The following FREM3 variants were observed in gnomAD, a reference collection of about 807,000 sequenced individuals.
The protein encoded by FREM3 is FRAS1 related extracellular matrix 3.
A neutral mutation model predicts 129.1 loss-of-function variants in FREM3; 105 were observed. The observed-to-expected ratio is 0.81, with a 90% CI of 0.69 to 0.96. FREM3 has a LOEUF of 0.96. Ranked by LOEUF, FREM3 falls within the 40% of genes least tolerant of loss-of-function variation. The probability of loss-of-function intolerance (pLI) is 0.00; values close to 1 mark genes in which losing one functional copy is unlikely to be tolerated. For missense variants in FREM3, 2,593 were observed against 2,666.3 expected (o/e 0.97, Z 0.61); for synonymous variants, 1,014 against 1,044.9 (o/e 0.97, Z 0.57).
intron 6 of FREM3, among the ~76,000 whole-genome samples, chr4:143,601,383 A>G (rs1241913082): frequency 6.6e-6 from 1 of 152,202 alleles, no homozygotes; most frequent in African/African-American, 2.4e-5. Context: ...GGGAAATTTT[A>G]CGCAAGTTTT....
intron 6 of FREM3, among the ~76,000 whole-genome samples, chr4:143,601,110 G>A (rs1738565060): frequency 6.6e-6 from 1 of 151,990 alleles, no homozygotes; most frequent in South Asian, 2.1e-4. Flanking sequence ...GCCCTAGAAA[G>A]CATAATGATA....
intron 6 of FREM3, among the ~76,000 whole-genome samples, chr4:143,590,328 G>T (rs1362356654): frequency 6.6e-6 from 1 of 152,164 alleles, no homozygotes; most frequent in Non-Finnish European, 1.5e-5. Context: ...TTTTCAAAGG[G>T]AATGTTTCCA....
chr4:143,641,262 G>C (rs561128292), intron 2 of FREM3, among the ~76,000 whole-genome samples: 1 of 152,188 alleles, frequency 6.6e-6, no homozygotes, highest in African/African-American at 2.4e-5. Context: ...ACAACAATTT[G>C]ATTCATAGAT....
chr4:143,657,327 A>T (rs1739619925), intron 2 of FREM3, among the ~76,000 whole-genome samples: 1 of 152,232 alleles, frequency 6.6e-6, no homozygotes, highest in African/African-American at 2.4e-5. Context: ...TTTCCATAAG[A>T]ATAATCCAAA....
Position 143,697,230 on chromosome 4 carries a change from A to G in FREM3, c.3446T>C (p.Ile1149Thr), listed in dbSNP as rs1027835156. Reference protein sequence around the residue: ...FSLRDIQVRHINYVQSIHKGV... With the variant: ...FSLRDIQVRHTNYVQSIHKGV... ...CTTGTGAATACTCTGTACATAATTG[A>G]TATGCCTCACTTGGATATCTCTGAG... Residue 1149 changes from isoleucine (I) to threonine (T), a missense_variant, in exon 1 of 8, where the codon ATC becomes ACC. Transcript: ENST00000329798. The G allele has an allele frequency of 1.0e-5, 16 of 1,537,590 alleles. No individual in the cohort carries two copies. The highest frequency in any genetic ancestry group is 1.4e-5 in the African/African-American group (1 of 73,042).
At chr4:143,615,523 G>A (rs1738827395) in intron 5 of FREM3, among the ~76,000 whole-genome samples, 1 of 152,098 alleles carries the variant, frequency 6.6e-6, no homozygotes, top group African/African-American at 2.4e-5. Context: ...GGTAGCAAAG[G>A]CTCGGCTGGA....
chr4:143,664,137 T>C (rs1008480041), intron 2 of FREM3, among the ~76,000 whole-genome samples: 6 of 152,310 alleles, frequency 3.9e-5, no homozygotes, highest in African/African-American at 1.4e-4. Context: ...AGGAACTGCA[T>C]TCCTTTGGAG....
intron 2 of FREM3, among the ~76,000 whole-genome samples, chr4:143,657,500 C>T (rs1441065686): frequency 6.6e-6 from 1 of 152,130 alleles, no homozygotes; most frequent in African/African-American, 2.4e-5. Context: ...GGGACTGACC[C>T]TTAAGTCTCC....
At chr4:143,668,036 A>G (rs1739896125) in intron 2 of FREM3, among the ~76,000 whole-genome samples, 1 of 152,250 alleles carries the variant, frequency 6.6e-6, no homozygotes, top group Admixed American at 6.5e-5. Context: ...ATTACTTTTA[A>G]AATAAAATTG....
At chr4:143,684,962 A>T (rs578185306) in intron 2 of FREM3, among the ~76,000 whole-genome samples, 129 of 152,284 alleles carry the variant, frequency 8.5e-4, no homozygotes, top group African/African-American at 3.1e-3. Context: ...AAGAAAAAAG[A>T]ATAAGAAAAT....
chr4:143,680,430 A>G lies in FREM3; in HGVS notation c.5275+12683T>C, dbSNP rs184171477. 2.5e-3 allele frequency among the ~76,000 whole-genome samples: 381 copies of G among 152,174 alleles called. 3 individuals carry two copies. The highest frequency in any genetic ancestry group is 7.4e-3 in the African/African-American group (307 of 41,544). The stretch of plus-strand genomic sequence containing the variant: ...ATTATTGTATCATCTTCTAAGGCCC[A>G]TAGACTTGTTTTACAGACTTACCAC... On this transcript the variant is annotated intron_variant, in intron 2 of 7. Transcript: ENST00000329798.
rs57527872 is a variant in FREM3, at chr4:143,593,621, T to C, written c.6029-7628A>G. ...GTTTTGTCTCAGAGGAGTACCCGGC[T>C]GTGTGAGGTGTCAGTCCACCCCTAC... On this transcript the variant is annotated intron_variant, in intron 6 of 7. Coordinates refer to ENST00000329798, the MANE Select transcript of FREM3 (RefSeq NM_001168235.2). Among the ~76,000 whole-genome samples the C allele has an allele frequency of 7.7e-3, 1,146 of 148,304 alleles. 13 individuals are homozygous for C. The highest frequency in any genetic ancestry group is 0.027 in the African/African-American group (1,083 of 40,576).
chr4:143,684,390 G>T (rs1740317030), intron 2 of FREM3, among the ~76,000 whole-genome samples: 1 of 152,154 alleles, frequency 6.6e-6, no homozygotes, highest in Admixed American at 6.5e-5. Flanking sequence ...TGGGTGGCTA[G>T]ATCCAGAAGG....
At position 143,695,756 on chromosome 4, in the gene FREM3, C is replaced by G; in HGVS notation, c.4920G>C (p.Leu1640=). ...TDFYVLPDTA[L]ATHKPQVMRV... ...TCATTACTTGAGGTTTGTGTGTCGC[C>G]AGGGCAGTGTCTGGTAGGACATAGA... Residue 1640 remains leucine, a synonymous_variant, in exon 1 of 8, where the codon CTG becomes CTC. Coordinates refer to ENST00000329798, the MANE Select transcript of FREM3 (RefSeq NM_001168235.2). The G allele has an allele frequency of 6.5e-7, 1 of 1,537,224 alleles. No homozygotes were observed. Among genetic ancestry groups the G allele is most frequent in the South Asian group, 1.2e-5 (1 of 84,050 alleles).
chr4:143,630,232 G>C (rs1400334462), intron 2 of FREM3, among the ~76,000 whole-genome samples: 1 of 152,092 alleles, frequency 6.6e-6, no homozygotes, highest in Non-Finnish European at 1.5e-5. Flanking sequence ...CACAAATTAG[G>C]TGCTCAATAA....
At chr4:143,630,855 A>G (rs956292049) in intron 2 of FREM3, among the ~76,000 whole-genome samples, 3 of 152,182 alleles carry the variant, frequency 2.0e-5, no homozygotes, top group Admixed American at 1.3e-4. Flanking sequence ...TTAAAGCCCT[A>G]TTTATTAATA....
At chr4:143,646,950 G>A (rs1739428828) in intron 2 of FREM3, among the ~76,000 whole-genome samples, 1 of 152,126 alleles carries the variant, frequency 6.6e-6, no homozygotes, top group African/African-American at 2.4e-5. Flanking sequence ...AGGAAAATGT[G>A]GAAAAGTTTA....
chr4:143,603,787 C>G (rs62337444), intron 6 of FREM3, among the ~76,000 whole-genome samples: 1 of 152,058 alleles, frequency 6.6e-6, no homozygotes, highest in African/African-American at 2.4e-5. Context: ...TGTGGGGACT[C>G]TAGACTAACT....
At chr4:143,663,916 G>A (rs1001613500) in intron 2 of FREM3, among the ~76,000 whole-genome samples, 7 of 152,072 alleles carry the variant, frequency 4.6e-5, no homozygotes. Context: ...TAGTTCTCGA[G>A]CCTTGGCTTT....
Sources: gnomAD v4.1 joint callset for allele counts (sites outside exome capture counted in the v4.1 genomes callset) on GRCh38, gnomAD v4.1.1 for gene constraint, MANE v1.5 for transcripts, NCBI Gene and HGNC (gene_info 2026-07-23, HGNC 2026-07-21) for gene names.